The following MAP3K7CL variants were observed in gnomAD, a reference collection of about 807,000 sequenced individuals.
MAP3K7CL encodes MAP3K7 C-terminal like.
In MAP3K7CL, 16 loss-of-function variants were observed where a neutral mutation model predicts 18.6. The observed-to-expected ratio is 0.86, with a 90% CI of 0.58 to 1.31. The LOEUF (loss-of-function observed/expected upper bound fraction) is 1.31, where lower values mean the gene tolerates loss of function less well. Ranked by LOEUF, MAP3K7CL falls within the 50% of genes most tolerant of loss-of-function variation. MAP3K7CL has a pLI of 0.00. For missense variants in MAP3K7CL, 163 were observed against 174.4 expected, an observed-to-expected ratio of 0.93 and a Z score of 0.37; for synonymous variants, 65 against 66.8, an observed-to-expected ratio of 0.97 and a Z score of 0.13.
At chr21:29,089,220 G>A (rs1289224459) in intron 1 of MAP3K7CL, among the ~76,000 whole-genome samples, 4 of 140,004 alleles carry the variant, frequency 2.9e-5, no homozygotes, top group Non-Finnish European at 6.1e-5. Flanking sequence ...TCCTGGGGTT[G>A]TCTGGCATGG....
chr21:29,119,181 T>A (rs1414741597), intron 4 of MAP3K7CL, among the ~76,000 whole-genome samples: 1 of 152,236 alleles, frequency 6.6e-6, no homozygotes, highest in African/African-American at 2.4e-5. Context: ...CAACATTCAG[T>A]ACTGACAATA....
At chr21:29,145,899 A>G (rs2087117350) in intron 2 of MAP3K7CL, among the ~76,000 whole-genome samples, 1 of 117,998 alleles carries the variant, frequency 8.5e-6, no homozygotes, top group East Asian at 3.1e-4. Flanking sequence ...TCCAATTTGA[A>G]GCTACTTTAT....
At chr21:29,123,339 C>G (rs564416302) in intron 4 of MAP3K7CL, among the ~76,000 whole-genome samples, 1 of 152,186 alleles carries the variant, frequency 6.6e-6, no homozygotes, top group Non-Finnish European at 1.5e-5. Flanking sequence ...CCTGGGATTA[C>G]AGGCATGAGC....
At chr21:29,104,718 T>G (rs1366448940) in intron 4 of MAP3K7CL, among the ~76,000 whole-genome samples, 6 of 152,186 alleles carry the variant, frequency 3.9e-5, no homozygotes, top group Admixed American at 3.9e-4. Context: ...TGTCTCCAAT[T>G]ACAGCACTCC....
intron 4 of MAP3K7CL, among the ~76,000 whole-genome samples, chr21:29,119,491 T>C (rs2086557238): frequency 6.6e-6 from 1 of 152,096 alleles, no homozygotes; most frequent in Non-Finnish European, 1.5e-5. Context: ...GCACACAGGG[T>C]CACTCTGTGA....
chr21:29,077,905 A>T (rs1348738149), intron 1 of MAP3K7CL, among the ~76,000 whole-genome samples: 1 of 152,146 alleles, frequency 6.6e-6, no homozygotes, highest in Admixed American at 6.5e-5. Flanking sequence ...CCTCCAGGAG[A>T]GCTAAAAGCC....
At chr21:29,153,275 T>G (rs892937054) in intron 3 of MAP3K7CL, among the ~76,000 whole-genome samples, 1 of 152,060 alleles carries the variant, frequency 6.6e-6, no homozygotes, top group African/African-American at 2.4e-5. Context: ...TGTCCAGGAG[T>G]AGGTGGAAGG....
chr21:29,129,905 A>G (rs1246888653), upstream of MAP3K7CL, among the ~76,000 whole-genome samples: 1 of 152,200 alleles, frequency 6.6e-6, no homozygotes, highest in Non-Finnish European at 1.5e-5. Context: ...CTAATGACAT[A>G]TGATGTTGAT....
intron 3 of MAP3K7CL, among the ~76,000 whole-genome samples, chr21:29,150,706 T>G (rs1202595344): frequency 6.7e-6 from 1 of 149,162 alleles, no homozygotes; most frequent in African/African-American, 2.5e-5. Flanking sequence ...CCTTCCCCAC[T>G]CCCACCCCCA....
chr21:29,093,959 G>A (rs1199523669), intron 4 of MAP3K7CL, among the ~76,000 whole-genome samples: 1 of 152,224 alleles, frequency 6.6e-6, no homozygotes, highest in East Asian at 1.9e-4. Flanking sequence ...ATGTGAAAGT[G>A]CTTTGTAAAC....
chr21:29,170,335 A>G (rs1015113566), intron 4 of MAP3K7CL, among the ~76,000 whole-genome samples: 1 of 152,242 alleles, frequency 6.6e-6, no homozygotes, highest in African/African-American at 2.4e-5. Context: ...CTCCAATGCA[A>G]GATCAGACTA....
intron 1 of MAP3K7CL, among the ~76,000 whole-genome samples, chr21:29,090,752 T>G (rs8128022): frequency 0.019 from 2,920 of 151,858 alleles, 105 homozygotes; most frequent in African/African-American, 0.065. Context: ...GCCTGTGGCC[T>G]TCCTCACTTT....
At chr21:29,138,775 C>T (rs1187510979) in intron 2 of MAP3K7CL, among the ~76,000 whole-genome samples, 1 of 152,004 alleles carries the variant, frequency 6.6e-6, no homozygotes. Flanking sequence ...TGAGGCCAGG[C>T]AAGACCAGCC....
chr21:29,098,617 A>G (rs928289442), intron 4 of MAP3K7CL, among the ~76,000 whole-genome samples: 1 of 152,258 alleles, frequency 6.6e-6, no homozygotes, highest in Non-Finnish European at 1.5e-5. Flanking sequence ...AAAGGGAGGT[A>G]TTATAATTCC....
chr21:29,156,143 G>A (rs988150322), intron 3 of MAP3K7CL, among the ~76,000 whole-genome samples: 1 of 152,158 alleles, frequency 6.6e-6, no homozygotes, highest in African/African-American at 2.4e-5. Flanking sequence ...AAAATAACAA[G>A]GGAATTTTTT....
chr21:29,089,487 G>A (rs2832162), intron 1 of MAP3K7CL, among the ~76,000 whole-genome samples: 68,259 of 152,010 alleles, frequency 0.45, 15,496 homozygotes, highest in South Asian at 0.53. Context: ...AAGATTTCTC[G>A]TTCCAAACAA....
At chr21:29,159,238 C>T (rs1037117870) in intron 3 of MAP3K7CL, among the ~76,000 whole-genome samples, 5 of 152,122 alleles carry the variant, frequency 3.3e-5, no homozygotes, top group East Asian at 1.9e-4. Flanking sequence ...GGGGAAAACT[C>T]GTTCTTTAAA....
At chr21:29,147,381 T>C (rs11910475) in intron 2 of MAP3K7CL, among the ~76,000 whole-genome samples, 66,561 of 151,748 alleles carry the variant, frequency 0.44, 14,940 homozygotes, top group East Asian at 0.6. Context: ...ACTGTATATG[T>C]ATATGTACTG....
chr21:29,085,139 C>T (rs927180434), upstream of MAP3K7CL: 1 of 152,160 alleles, frequency 6.6e-6, no homozygotes, highest in African/African-American at 2.4e-5. Flanking sequence ...AGTAATACTG[C>T]TCAGGTTCGT....
Sources: gnomAD v4.1 joint callset for allele counts (sites outside exome capture counted in the v4.1 genomes callset) on GRCh38, gnomAD v4.1.1 for gene constraint, MANE v1.5 for transcripts, NCBI Gene and HGNC (gene_info 2026-07-23, HGNC 2026-07-21) for gene names.